The following FHIT variants were observed in gnomAD, a reference collection of about 807,000 sequenced individuals.
FHIT encodes the protein fragile histidine triad diadenosine triphosphatase.
A neutral mutation model predicts 17.9 loss-of-function variants in FHIT; 19 were observed. The observed-to-expected ratio is 1.06, with a 90% CI of 0.74 to 1.56. The LOEUF is 1.56. FHIT is among the 40% of genes most tolerant of loss of function. The probability of loss-of-function intolerance (pLI) is 0.00; values close to 1 mark genes in which losing one functional copy is unlikely to be tolerated. For missense variants in FHIT, 248 were observed against 189.2 expected (o/e 1.31, Z -1.82); for synonymous variants, 81 against 69.7 (o/e 1.16, Z -0.81).
chr3:60,519,219 A>T (rs909039215), intron 5 of FHIT, among the ~76,000 whole-genome samples: 1 of 152,204 alleles, frequency 6.6e-6, no homozygotes, highest in African/African-American at 2.4e-5. Context: ...AGATATTCTT[A>T]TGATTAGAAA....
rs145056623 is a variant in FHIT at position 61,100,295 on chromosome 3, G to A, written c.-163-58196C>T. Among the ~76,000 whole-genome samples the A allele has an allele frequency of 6.3e-3, 952 of 152,224 alleles. 10 individuals are homozygous for A. Among genetic ancestry groups the A allele is most frequent in the African/African-American group, 0.022 (915 of 41,518 alleles). On this transcript the variant is annotated intron_variant, in intron 2 of 9. Transcript: ENST00000492590. ...CTCATTGTTCAATTCCCACCTATGA[G>A]TGAGAACATGCGGTGTCCGGTTTTC...
At chr3:60,540,014 G>A (rs2036133555) in intron 4 of FHIT, among the ~76,000 whole-genome samples, 1 of 151,824 alleles carries the variant, frequency 6.6e-6, no homozygotes, top group East Asian at 1.9e-4. Context: ...CAGGATTATA[G>A]GGCCAGAACA....
rs1702977339 is a variant in FHIT at position 60,847,652 on chromosome 3, G to A, written c.-110-25641C>T. On this transcript the variant is annotated intron_variant, in intron 3 of 9. Coordinates refer to ENST00000492590, the MANE Select transcript of FHIT (RefSeq NM_002012.4). ...CCCCTTTTACTGCCACTTACAGTAG[G>A]ATGCCACAAAAATTCAGAAACTGGA... 2.6e-5 allele frequency among the ~76,000 whole-genome samples: 4 copies of A among 152,224 alleles called. No individual in the cohort carries two copies. The South Asian group carries it at 8.3e-4, about 32-fold the overall frequency.
At chr3:60,142,365 T>A (rs1289886129) in intron 5 of FHIT, among the ~76,000 whole-genome samples, 4 of 152,368 alleles carry the variant, frequency 2.6e-5, no homozygotes, top group South Asian at 4.1e-4. Flanking sequence ...AAATGCTAAC[T>A]ACTACTATAT....
In FHIT at chr3:60,859,723, A is replaced by ATTTTTTTTTT. The variant is rs71092647; in HGVS notation, c.-110-37722_-110-37713dup. On this transcript the variant is annotated intron_variant, in intron 3 of 9. Transcript: ENST00000492590. ...ACATTTGCAGTGGATTCTGAATACG[A>ATTTTTTTTTT]TTTTTTTTTTTTTTTTTTTTTTTTT... is the stretch of plus-strand genomic sequence containing the variant. Among the ~76,000 whole-genome samples the ATTTTTTTTTT allele has an allele frequency of 1.1e-3, 57 of 51,924 alleles. 5 individuals carry two copies. Among genetic ancestry groups the ATTTTTTTTTT allele is most frequent in the Non-Finnish European group, 1.2e-3 (35 of 29,368 alleles). 34.1% of individuals were successfully genotyped at this position (51,924 alleles called of 152,430 possible). A position where few individuals can be genotyped will look rare whatever the true frequency, so the allele number is the denominator to read the frequency against.
intron 3 of FHIT, among the ~76,000 whole-genome samples, chr3:60,972,085 T>C (rs972899882): frequency 3.9e-5 from 6 of 152,210 alleles, no homozygotes; most frequent in African/African-American, 1.4e-4. Flanking sequence ...AATTGTTCTA[T>C]CTTTAGTTAT....
intron 3 of FHIT, among the ~76,000 whole-genome samples, chr3:61,008,831 T>A (rs1342260913): frequency 6.6e-6 from 1 of 152,206 alleles, no homozygotes; most frequent in Non-Finnish European, 1.5e-5. Flanking sequence ...TCTGATATCA[T>A]GTGAAGGCAC....
At chr3:60,924,528 A>G (rs1166399694) in intron 3 of FHIT, among the ~76,000 whole-genome samples, 1 of 152,190 alleles carries the variant, frequency 6.6e-6, no homozygotes, top group African/African-American at 2.4e-5. Context: ...TAACAAACAG[A>G]AAGGACATCC....
chr3:60,888,689 C>T (rs1705347011), intron 3 of FHIT, among the ~76,000 whole-genome samples: 1 of 152,136 alleles, frequency 6.6e-6, no homozygotes, highest in South Asian at 2.1e-4. Context: ...TAAGATATTA[C>T]TTGATTACAT....
chr3:60,320,510 A>G (rs1709377133), intron 5 of FHIT, among the ~76,000 whole-genome samples: 1 of 152,236 alleles, frequency 6.6e-6, no homozygotes, highest in Non-Finnish European at 1.5e-5. Flanking sequence ...AACGCTAAAC[A>G]TAATGCATCT....
chr3:60,068,319 CA>C (rs1415301403), intron 5 of FHIT, among the ~76,000 whole-genome samples: 1 of 152,122 alleles, frequency 6.6e-6, no homozygotes, highest in Non-Finnish European at 1.5e-5. Context: ...TTTGCTTTCC[CA>C]AAGGGGCATA....
chr3:60,978,285 T>G (rs1353608319), intron 3 of FHIT, among the ~76,000 whole-genome samples: 2 of 152,168 alleles, frequency 1.3e-5, no homozygotes, highest in Non-Finnish European at 2.9e-5. Flanking sequence ...AAATGTGGAT[T>G]CTGATTCTAG....
chr3:60,522,295 G>C (rs1000478379), intron 5 of FHIT, among the ~76,000 whole-genome samples: 2 of 151,996 alleles, frequency 1.3e-5, no homozygotes, highest in East Asian at 1.9e-4. Context: ...ATTTTTAGTA[G>C]ATACAGGGTT....
chr3:60,481,937 CACACAAAG>C (rs1300608475), intron 5 of FHIT, among the ~76,000 whole-genome samples: 3 of 152,092 alleles, frequency 2.0e-5, no homozygotes, highest in Admixed American at 6.6e-5. Flanking sequence ...ACCCATCTCA[CACACAAAG>C]ACACAAATAG....
At chr3:60,003,670 G>A (rs1010844531) in intron 7 of FHIT, among the ~76,000 whole-genome samples, 4 of 150,608 alleles carry the variant, frequency 2.7e-5, no homozygotes, top group Non-Finnish European at 4.4e-5. Flanking sequence ...ATTTGAACCC[G>A]GGAGGCAGAG....
chr3:60,075,274 G>C (rs1341663072), intron 5 of FHIT, among the ~76,000 whole-genome samples: 2 of 152,004 alleles, frequency 1.3e-5, no homozygotes, highest in Non-Finnish European at 2.9e-5. Context: ...TAAAATGCTA[G>C]GGTGATGGGG....
At chr3:60,191,410 T>C (rs1218045251) in intron 5 of FHIT, among the ~76,000 whole-genome samples, 2 of 152,128 alleles carry the variant, frequency 1.3e-5, no homozygotes, top group African/African-American at 4.8e-5. Context: ...CTCAAAAATC[T>C]CTCTAACTAG....
chr3:59,788,906 A>G (rs1699432634), intron 8 of FHIT, among the ~76,000 whole-genome samples: 1 of 1,204 alleles, frequency 8.3e-4, no homozygotes, highest in African/African-American at 1.7e-3. Context: ...CCCATCTCCA[A>G]ACAGCAAGTA....
intron 2 of FHIT, among the ~76,000 whole-genome samples, chr3:61,160,451 C>T (rs950117010): frequency 3.3e-5 from 5 of 152,304 alleles, no homozygotes; most frequent in Non-Finnish European, 7.3e-5. Flanking sequence ...TTAGAAAGCT[C>T]GTTTTTTACA....
Sources: allele counts gnomAD v4.1 joint callset (sites outside exome capture counted in the v4.1 genomes callset), GRCh38; gene constraint gnomAD v4.1.1; transcripts MANE v1.5; gene names NCBI Gene and HGNC (gene_info 2026-07-23, HGNC 2026-07-21).